VRK2: variants seen among roughly 807,000 people sequenced by gnomAD.
The protein encoded by VRK2 is VRK serine/threonine kinase 2.
Under a neutral mutation model 57.6 loss-of-function variants are expected in VRK2, and 60 were observed. The ratio of observed to expected loss-of-function variants is 1.04; its 90% CI spans 0.85 to 1.29. The LOEUF (loss-of-function observed/expected upper bound fraction) is 1.29, where lower values mean the gene tolerates loss of function less well. Ranked by LOEUF, VRK2 falls within the 50% of genes most tolerant of loss-of-function variation. VRK2 has a pLI of 0.00. For synonymous variants in VRK2, 231 were observed against 199.2 expected, an observed-to-expected ratio of 1.16 and a Z score of -1.35; for missense variants, 705 against 588.1, an observed-to-expected ratio of 1.20 and a Z score of -2.06.
intron 1 of VRK2, among the ~76,000 whole-genome samples, chr2:57,941,080 T>C (rs1019926579): frequency 4.6e-5 from 7 of 152,170 alleles, no homozygotes; most frequent in Admixed American, 6.5e-5. Context: ...AATACCAAAC[T>C]TCTTCCATCA....
chr2:58,138,464 CCACGTTAG>C (rs1453436212), intron 10 of VRK2, among the ~76,000 whole-genome samples: 1 of 152,150 alleles, frequency 6.6e-6, no homozygotes, highest in Non-Finnish European at 1.5e-5. Context: ...TACATTTTAA[CCACGTTAG>C]CTTCATGTTC....
At position 57,943,709 on chromosome 2, in the gene VRK2, T is replaced by G. The variant is rs76633701; in HGVS notation, c.-439+35870T>G. Among the ~76,000 whole-genome samples the G allele has an allele frequency of 5.9e-5, 9 of 152,278 alleles. No homozygotes were observed. In the East Asian group the frequency reaches 1.7e-3, roughly 29 times the overall value. The stretch of plus-strand genomic sequence containing the variant: ...GGGAAGGAAGCATAAGGAGCAGACT[T>G]TTTTCCTTTTTCCAACTAGACTTAG... On this transcript the variant is annotated intron_variant, in intron 1 of 15. Transcript: ENST00000417641.
intron 1 of VRK2, among the ~76,000 whole-genome samples, chr2:57,984,198 A>G (rs1324584501): frequency 6.6e-6 from 1 of 152,232 alleles, no homozygotes; most frequent in Non-Finnish European, 1.5e-5. Flanking sequence ...GCCTTATATT[A>G]AATATGAACA....
intron 1 of VRK2, chr2:57,907,958 A>C (rs1436164013): frequency 2.0e-5 from 3 of 152,218 alleles, no homozygotes; most frequent in African/African-American, 7.2e-5. Flanking sequence ...TGATAATCCA[A>C]GTACAGAAGA....
chr2:57,938,188 A>G (rs890311709), intron 1 of VRK2, among the ~76,000 whole-genome samples: 3 of 152,182 alleles, frequency 2.0e-5, no homozygotes, highest in Non-Finnish European at 2.9e-5. Flanking sequence ...ACTTTAAATC[A>G]TTTAAAATTT....
chr2:58,142,324 GTTT>G (rs779486131), intron 11 of VRK2, among the ~76,000 whole-genome samples: 1 of 141,604 alleles, frequency 7.1e-6, no homozygotes, highest in African/African-American at 2.6e-5. Context: ...AAAAGAAAAA[GTTT>G]TTTTTTTTTT....
chr2:57,977,079 G>A (rs1481592855), intron 1 of VRK2, among the ~76,000 whole-genome samples: 1 of 152,046 alleles, frequency 6.6e-6, no homozygotes, highest in African/African-American at 2.4e-5. Flanking sequence ...CTATATGTCT[G>A]TTTTTGTACC....
At chr2:58,026,208 A>G (rs1287282650) in intron 2 of VRK2, among the ~76,000 whole-genome samples, 1 of 152,022 alleles carries the variant, frequency 6.6e-6, no homozygotes, top group Non-Finnish European at 1.5e-5. Context: ...ATAATAGAAA[A>G]TCTTTGAATT....
intron 1 of VRK2, among the ~76,000 whole-genome samples, chr2:57,992,329 TGATTAATA>T (rs1672792355): frequency 6.6e-6 from 1 of 152,216 alleles, no homozygotes; most frequent in South Asian, 2.1e-4. Context: ...TTTGAAAGCC[TGATTAATA>T]GATAGTTTTA....
At chr2:58,050,213 T>G (rs1366804014) in intron 2 of VRK2, among the ~76,000 whole-genome samples, 10 of 152,190 alleles carry the variant, frequency 6.6e-5, no homozygotes, top group Non-Finnish European at 1.5e-4. Flanking sequence ...ATCAAAAATA[T>G]TATTTCAATA....
chr2:58,019,637 G>T (rs1432905503), intron 1 of VRK2, among the ~76,000 whole-genome samples: 1 of 152,136 alleles, frequency 6.6e-6, no homozygotes, highest in East Asian at 1.9e-4. Flanking sequence ...CTTTAAACAA[G>T]TGCTTTTTAA....
rs890967719 is a variant in VRK2 at position 58,127,134 on chromosome 2, A to G, written c.676+3901A>G. 3.3e-5 allele frequency among the ~76,000 whole-genome samples: 5 copies of G among 152,190 alleles called. No homozygotes were observed. The East Asian group carries it at 9.6e-4, about 29-fold the overall frequency. Reference sequence around the variant, plus strand: ...TGTTTAGTATCAAAGAAATAAATATATTGCATACTTTTTTTTAATTTTTGC... The same window carrying G: ...TGTTTAGTATCAAAGAAATAAATATGTTGCATACTTTTTTTTAATTTTTGC... On this transcript the variant is annotated intron_variant, in intron 8 of 12. Transcript: ENST00000340157.
At chr2:58,125,840 A>G (rs751377492) in intron 8 of VRK2, among the ~76,000 whole-genome samples, 1 of 152,100 alleles carries the variant, frequency 6.6e-6, no homozygotes. Flanking sequence ...AGTCTGGGAT[A>G]TAAAATGGAA....
At chr2:58,156,579 G>GTT (rs748318359) in intron 12 of VRK2, among the ~76,000 whole-genome samples, 2 of 139,210 alleles carry the variant, frequency 1.4e-5, no homozygotes, top group East Asian at 3.9e-4. Flanking sequence ...GGGTGGTGGT[G>GTT]TTTTTTTTGT....
intron 7 of VRK2, among the ~76,000 whole-genome samples, chr2:58,096,435 G>C (rs909952993): frequency 6.6e-6 from 1 of 151,824 alleles, no homozygotes; most frequent in African/African-American, 2.4e-5. Context: ...TCAGAAATTG[G>C]TTCGATTCTT....
intron 8 of VRK2, among the ~76,000 whole-genome samples, chr2:58,130,988 T>C (rs938877118): frequency 2.6e-5 from 4 of 152,010 alleles, no homozygotes; most frequent in African/African-American, 9.7e-5. Context: ...AATTATGAAA[T>C]TAGACTACAG....
chr2:57,918,838 G>A (rs2678912), intron 1 of VRK2, among the ~76,000 whole-genome samples: 146,738 of 152,200 alleles, frequency 0.96, 70,772 homozygotes, highest in East Asian at 1. Flanking sequence ...CATGAGCCCA[G>A]TCTAATCCTG....
intron 1 of VRK2, among the ~76,000 whole-genome samples, chr2:58,007,007 A>G (rs1673268468): frequency 6.6e-6 from 1 of 151,964 alleles, no homozygotes; most frequent in Admixed American, 6.6e-5. Flanking sequence ...AAAATGAATA[A>G]TATTAATCTT....
At chr2:57,963,738 T>C (rs73942257) in intron 1 of VRK2, among the ~76,000 whole-genome samples, 3,681 of 152,318 alleles carry the variant, frequency 0.024, 150 homozygotes, top group African/African-American at 0.084. Context: ...ATAAGCATTT[T>C]TATAGTTTCT....
Sources: allele counts gnomAD v4.1 joint callset (sites outside exome capture counted in the v4.1 genomes callset), GRCh38; gene constraint gnomAD v4.1.1; transcripts MANE v1.5; gene names NCBI Gene and HGNC (gene_info 2026-07-23, HGNC 2026-07-21).